L2HGDH: variants seen among roughly 807,000 people sequenced by gnomAD.
The protein encoded by L2HGDH is L-2-hydroxyglutarate dehydrogenase.
L2HGDH carries 34 observed loss-of-function variants against 51.5 expected under a neutral mutation model. The observed-to-expected ratio is 0.66, with a 90% CI of 0.50 to 0.88. The LOEUF (loss-of-function observed/expected upper bound fraction) is 0.88, where lower values mean the gene tolerates loss of function less well. L2HGDH is among the 40% of genes least tolerant of loss of function. The pLI is 0.00. For synonymous variants in L2HGDH, 198 were observed against 197.9 expected (o/e 1.00, Z -0.01); for missense variants, 558 against 571.9 (o/e 0.98, Z 0.25).
intron 9 of L2HGDH, among the ~76,000 whole-genome samples, chr14:50,256,766 G>T (rs894772249): frequency 3.4e-4 from 52 of 151,724 alleles, no homozygotes; most frequent in African/African-American, 1.2e-3. Flanking sequence ...TTTCCATCTT[G>T]TATTTAGTTT....
At chr14:50,253,905 G>C (rs1337000657) in intron 9 of L2HGDH, among the ~76,000 whole-genome samples, 1 of 152,120 alleles carries the variant, frequency 6.6e-6, no homozygotes, top group African/African-American at 2.4e-5. Flanking sequence ...ATTATGTTAA[G>C]TAAAATAAGC....
At chr14:50,307,217 T>C (rs1419248202) in intron 1 of L2HGDH, among the ~76,000 whole-genome samples, 1 of 152,236 alleles carries the variant, frequency 6.6e-6, no homozygotes, top group African/African-American at 2.4e-5. Flanking sequence ...AGATATTGTC[T>C]TTGCAGATTA....
chr14:50,281,859 G>A (rs1441318787), intron 5 of L2HGDH, among the ~76,000 whole-genome samples: 1 of 152,134 alleles, frequency 6.6e-6, no homozygotes, highest in Non-Finnish European at 1.5e-5. Flanking sequence ...GTGTGTGTGT[G>A]TGACGGAGTC....
intron 4 of L2HGDH, chr14:50,287,063 T>C (rs975707192): frequency 4.3e-6 from 2 of 464,442 alleles, no homozygotes; most frequent in South Asian, 9.2e-5. Flanking sequence ...GGGCAACTCT[T>C]TGGGAGCTGT....
rs1041541762 is a variant in L2HGDH, at chr14:50,291,949, C to T, written c.540+2166G>A. 3.3e-5 allele frequency among the ~76,000 whole-genome samples: 5 copies of T among 152,196 alleles called. No individual in the cohort carries two copies. The South Asian group carries it at 8.3e-4, about 25-fold the overall frequency. ...CTAGACAAATTATTTAGAACCAATA[C>T]ACGAATTTAACTAGAAAGTTGGATA... On this transcript the variant is annotated intron_variant, in intron 4 of 9. Transcript: ENST00000267436.
chr14:50,308,115 G>A (rs1392373553), intron 1 of L2HGDH, among the ~76,000 whole-genome samples: 1 of 152,242 alleles, frequency 6.6e-6, no homozygotes, highest in Non-Finnish European at 1.5e-5. Context: ...GGCAGGCCGG[G>A]TGCGATGGCT....
intron 4 of L2HGDH, among the ~76,000 whole-genome samples, chr14:50,287,949 C>T (rs1485334710): frequency 3.3e-5 from 5 of 152,014 alleles, no homozygotes; most frequent in African/African-American, 1.2e-4. Context: ...CCACCCACCT[C>T]AGCCTCCCAA....
At chr14:50,247,427 ATT>A (rs1490448297) in intron 9 of L2HGDH, among the ~76,000 whole-genome samples, 174 bp from the exon 10 acceptor site, 13 of 152,370 alleles carry the variant, frequency 8.5e-5, no homozygotes, top group Admixed American at 2.6e-4. Flanking sequence ...TCAAACCTAT[ATT>A]GTTAGCTTAG....
Position 50,242,606 on chromosome 14 carries a change from C to T in L2HGDH, c.*4452G>A, listed in dbSNP as rs888439096. The T allele has an allele frequency of 1.0e-6, 1 of 984,990 alleles. No individual in the cohort carries two copies. Among genetic ancestry groups the T allele is most frequent in the African/African-American group, 1.7e-5 (1 of 57,208 alleles). 61.0% of individuals were successfully genotyped at this position (984,990 alleles called of 1,614,324 possible). On this transcript the variant is annotated 3_prime_UTR_variant, in exon 10 of 10. Coordinates refer to ENST00000267436, the MANE Select transcript of L2HGDH (RefSeq NM_024884.3). ...CCTTCAGGGCTTCAGGGTTTATTTC[C>T]ATTCTTAAGCTATTTAATGAGTACA...
At chr14:50,288,575 C>T (rs1890692708) in intron 4 of L2HGDH, among the ~76,000 whole-genome samples, 1 of 152,196 alleles carries the variant, frequency 6.6e-6, no homozygotes, top group South Asian at 2.1e-4. Flanking sequence ...GGATTACAGG[C>T]ATGCGCCACC....
At chr14:50,300,218 T>C (rs910618774) in intron 3 of L2HGDH, among the ~76,000 whole-genome samples, 4 of 152,178 alleles carry the variant, frequency 2.6e-5, no homozygotes, top group Non-Finnish European at 5.9e-5. Flanking sequence ...ACAGTAGATT[T>C]AAGTGTTTGC....
At chr14:50,259,658 T>A (rs905660306) in intron 9 of L2HGDH, among the ~76,000 whole-genome samples, 1 of 151,228 alleles carries the variant, frequency 6.6e-6, no homozygotes, top group East Asian at 2.0e-4. Flanking sequence ...TAAAATCCCA[T>A]CTCTACTAAA....
intron 4 of L2HGDH, among the ~76,000 whole-genome samples, chr14:50,284,568 T>C (rs1173441319): frequency 6.6e-6 from 1 of 152,260 alleles, no homozygotes; most frequent in Non-Finnish European, 1.5e-5. Context: ...ATATAACACA[T>C]GCTTATTTTA....
chr14:50,257,959 T>C (rs1411648179), intron 9 of L2HGDH, among the ~76,000 whole-genome samples: 1 of 151,660 alleles, frequency 6.6e-6, no homozygotes, highest in Non-Finnish European at 1.5e-5. Context: ...GTGGGAATCA[T>C]CTGGGAGGGG....
At chr14:50,248,286 C>T (rs949157254) in intron 9 of L2HGDH, among the ~76,000 whole-genome samples, 2 of 152,128 alleles carry the variant, frequency 1.3e-5, no homozygotes, top group Non-Finnish European at 2.9e-5. Context: ...TACACACCAG[C>T]AAGGCTCAAG....
intron 6 of L2HGDH, among the ~76,000 whole-genome samples, chr14:50,270,616 C>A (rs897337259): frequency 1.3e-4 from 20 of 152,170 alleles, no homozygotes; most frequent in African/African-American, 4.8e-4. Flanking sequence ...ACGCCATTCT[C>A]CTGCCTCAGC....
rs908479393 is a variant in L2HGDH, at chr14:50,261,943, G to A, written c.1196+3415C>T. 2.0e-5 allele frequency among the ~76,000 whole-genome samples: 3 copies of A among 152,194 alleles called. No individual in the cohort carries two copies. The East Asian group carries it at 5.8e-4, about 29-fold the overall frequency. On this transcript the variant is annotated intron_variant, in intron 9 of 9. Transcript: ENST00000267436. ...TAAGCAATGAGAAGTCAACCTGGGT[G>A]CCCTTCAGTGGTTAATGAAATTTAA...
Position 50,310,706 on chromosome 14 carries a change from A to C in L2HGDH, c.140+1305T>G, listed in dbSNP as rs559828108. ...GCAACACAGTGAGACCCTGACTCCA[A>C]AAATTTTTTAAAAAAACATTTTAAG... On this transcript the variant is annotated intron_variant, in intron 1 of 9. Transcript: ENST00000267436. 3.9e-4 allele frequency among the ~76,000 whole-genome samples: 59 copies of C among 152,054 alleles called. 1 individual carries two copies. Among genetic ancestry groups the C allele is most frequent in the Admixed American group, 2.3e-3 (35 of 15,276 alleles).
At chr14:50,261,078 C>CTGCACTACA (rs1171866285) in intron 9 of L2HGDH, among the ~76,000 whole-genome samples, 1 of 151,748 alleles carries the variant, frequency 6.6e-6, no homozygotes, top group Non-Finnish European at 1.5e-5. Flanking sequence ...GATGGCACCA[C>CTGCACTACA]TGCACTACAG....
Sources: gnomAD v4.1 joint callset for allele counts (sites outside exome capture counted in the v4.1 genomes callset) on GRCh38, gnomAD v4.1.1 for gene constraint, MANE v1.5 for transcripts, NCBI Gene and HGNC (gene_info 2026-07-23, HGNC 2026-07-21) for gene names.